The following SIGLEC1 variants were observed in gnomAD, a reference collection of about 807,000 sequenced individuals.
SIGLEC1 encodes sialoadhesin.
A neutral mutation model predicts 148.0 loss-of-function variants in SIGLEC1; 132 were observed. The ratio of observed to expected loss-of-function variants is 0.89; its 90% CI spans 0.77 to 1.03. SIGLEC1 has a LOEUF of 1.03. SIGLEC1 is among the 50% of genes least tolerant of loss of function. SIGLEC1 has a pLI of 0.00. For missense variants in SIGLEC1, 2,253 were observed against 2,271.4 expected (o/e 0.99, Z 0.16); for synonymous variants, 945 against 969.0 (o/e 0.98, Z 0.46).
intron 13 of SIGLEC1, 145 bp downstream of exon 13, chr20:3,694,076 G>A: frequency 2.2e-6 from 2 of 895,098 alleles, no homozygotes; most frequent in Non-Finnish European, 3.3e-6. Flanking sequence ...AGAAACTCAA[G>A]TCTGGAGTCC....
chr20:3,690,163 T>C lies in SIGLEC1; in HGVS notation c.4693A>G (p.Thr1565Ala), dbSNP rs1318945887. The part of the protein sequence containing the change: ...RVDSEPLASL[T>A]LHLGSRLVAS... ...ACCAGTCGACTGCCAAGGTGGAGAG[T>C]CAGGCTGGCGAGCGGCTCGCTGTCC... The change falls in exon 19 of 22, where the codon ACT becomes GCT. Residue 1565 changes from threonine (T) to alanine (A), a missense_variant. Coordinates refer to ENST00000344754, the MANE Select transcript of SIGLEC1 (RefSeq NM_023068.4). 2 of 1,592,920 alleles carry C rather than the reference T, an allele frequency of 1.3e-6. No individual in the cohort carries two copies. The highest frequency in any genetic ancestry group is 1.7e-6 in the Non-Finnish European group (2 of 1,170,780).
Position 3,706,678 on chromosome 20 carries a change from G to A in SIGLEC1, c.78C>T (p.Pro26=). ...AGQASWGVSS[P]QDVQGVKGSC... ...ACCCCTTCACACCCTGCACGTCCTG[G>A]GGACTGGAGACGCCCCATGAGGCCT... Residue 26 remains proline (P), a synonymous_variant, in exon 3 of 22, where the codon CCC becomes CCT. Coordinates refer to ENST00000344754, the MANE Select transcript of SIGLEC1 (RefSeq NM_023068.4). The A allele has an allele frequency of 1.3e-6, 2 of 1,553,346 alleles. No homozygotes were observed. Among genetic ancestry groups the A allele is most frequent in the South Asian group, 1.2e-5 (1 of 84,842 alleles).
At position 3,706,564 on chromosome 20, in the gene SIGLEC1, C is replaced by A. The variant is rs142103373; in HGVS notation, c.192G>T (p.Ser64=). 2 of 1,612,676 alleles carry A rather than the reference C, an allele frequency of 1.2e-6. No individual in the cohort carries two copies. The highest frequency in any genetic ancestry group is 2.2e-5 in the East Asian group (1 of 44,858). The change falls in exon 3 of 22, where the codon TCG becomes TCT. Residue 64 remains serine, a synonymous_variant. Coordinates refer to ENST00000344754, the MANE Select transcript of SIGLEC1 (RefSeq NM_023068.4). ...AGTGGCTCACCACCTGCCGCTGGCC[C>A]GAGTAGTCGTAGTACCAGATGGCCG... ...GITAIWYYDY[S]GQRQVVSHSA...
At chr20:3,696,467 T>C in intron 11 of SIGLEC1, 119 bp downstream of exon 11, 7 of 981,344 alleles carry the variant, frequency 7.1e-6, no homozygotes, top group Non-Finnish European at 1.0e-5. Flanking sequence ...GAAACTGCCC[T>C]TACCAGGACT....
At chr20:3,692,407 C>A (rs2088773725) in intron 16 of SIGLEC1, 114 bp downstream of exon 16, 22 of 1,310,810 alleles carry the variant, frequency 1.7e-5, no homozygotes, top group Non-Finnish European at 2.2e-5. Flanking sequence ...GTCCTCTTTC[C>A]CCAACTGCCC....
At chr20:3,695,083 G>C (rs1357107060) in intron 11 of SIGLEC1, among the ~76,000 whole-genome samples, 160 bp from the exon 12 acceptor site, 1 of 152,154 alleles carries the variant, frequency 6.6e-6, no homozygotes, top group Non-Finnish European at 1.5e-5. Context: ...CTATGCCTTG[G>C]CCCCTCCTGC....
Position 3,703,338 on chromosome 20 carries a change from T to C in SIGLEC1, c.1087A>G (p.Asn363Asp), listed in dbSNP as rs1220225314. ...PSDLRYSWYKNHVLLEDAHSH... is the reference protein window; with the variant it reads ...PSDLRYSWYKDHVLLEDAHSH... ...TGGGCATCCTCCAGCAGGACATGGT[T>C]CTTGTACCAGCTGTAGCGGAGATCA... Residue 363 changes from asparagine to aspartate, a missense_variant, in exon 6 of 22, where the codon AAC becomes GAC. Coordinates refer to ENST00000344754, the MANE Select transcript of SIGLEC1 (RefSeq NM_023068.4). The C allele has an allele frequency of 6.2e-7, 1 of 1,614,124 alleles. No homozygotes were observed.
intron 21 of SIGLEC1, 169 bp from the exon 22 acceptor site, chr20:3,688,788 C>A (rs768660734): frequency 2.3e-5 from 14 of 612,352 alleles, no homozygotes; most frequent in Non-Finnish European, 4.0e-5. Flanking sequence ...AGGGACACAC[C>A]ACAGGGGAGG....
intron 7 of SIGLEC1, among the ~76,000 whole-genome samples, chr20:3,700,704 T>C (rs796424892): frequency 3.5e-5 from 5 of 144,050 alleles, no homozygotes; most frequent in Admixed American, 6.9e-5. Context: ...TTTCTTTTTT[T>C]TTTTTTTTTT....
rs560431275 is a variant in SIGLEC1, at chr20:3,694,519, G to A, written c.2958C>T (p.His986=). The change falls in exon 13 of 22, where the codon CAC becomes CAT. Residue 986 remains histidine (H), a synonymous_variant. Coordinates refer to ENST00000344754, the MANE Select transcript of SIGLEC1 (RefSeq NM_023068.4). ...ISLHVSYAPR[H]VTLTTLMDTG... ...TGTCCATCAGGGTAGTGAGTGTGAC[G>A]TGGCGTGGGGCATCTACACAGGGTG... The A allele has an allele frequency of 3.1e-5, 49 of 1,561,396 alleles. No individual in the cohort carries two copies. In the South Asian group the frequency reaches 3.5e-4, roughly 11 times the overall value.
rs779400162 is a variant in SIGLEC1, at chr20:3,691,598, C to T, written c.4333G>A (p.Ala1445Thr). 2 of 1,611,268 alleles carry T rather than the reference C, an allele frequency of 1.2e-6. No individual in the cohort carries two copies. Among genetic ancestry groups the T allele is most frequent in the Admixed American group, 1.7e-5 (1 of 59,970 alleles). ...STIGRLQVEGARVVAEPGLDV... is the reference protein window; with the variant it reads ...STIGRLQVEGTRVVAEPGLDV... The stretch of plus-strand genomic sequence containing the variant: ...AGGCCAGGCTCTGCCACCACGCGTG[C>T]ACCTGCGGGCGGAGGATAGAGAGAT... Residue 1445 changes from alanine (A) to threonine (T), a missense_variant and splice_region_variant, in exon 18 of 22, where the codon GCA (alanine) becomes ACA (threonine). Transcript: ENST00000344754.
In SIGLEC1 at chr20:3,697,215, C is replaced by T; in HGVS notation, c.2250G>A (p.Leu750=). Residue 750 remains leucine, a synonymous_variant, in exon 10 of 22, where the codon CTG becomes CTA. Coordinates refer to ENST00000344754, the MANE Select transcript of SIGLEC1 (RefSeq NM_023068.4). ...CGGTCTCCAGGGGACCCTGGGCCCA[C>T]AGCACCCCATTTCGGAACCAGGAGA... The part of the protein sequence containing the change: ...ANFSWFRNGV[L]WAQGPLETVT... 1 of 1,613,932 alleles carries T rather than the reference C, an allele frequency of 6.2e-7. No homozygotes were observed. Among genetic ancestry groups the T allele is most frequent in the Non-Finnish European group, 8.5e-7 (1 of 1,180,030 alleles).
rs1322029806 is a variant in SIGLEC1, at chr20:3,692,920, G to GCTGTAGAAACCCTCATCC, written c.3702_3719dup (p.Arg1234_Tyr1239dup). On this transcript the variant is annotated inframe_insertion, in exon 15 of 22. Coordinates refer to ENST00000344754, the MANE Select transcript of SIGLEC1 (RefSeq NM_023068.4). Reference sequence around the variant, plus strand: ...GGCCCAGAGGGCTGCGGGCAGAGCAGCTGTAGAAACCCTCATCCCTGGGCT... The same window carrying GCTGTAGAAACCCTCATCC: ...GGCCCAGAGGGCTGCGGGCAGAGCAGCTGTAGAAACCCTCATCCCTGTAGAAACCCTCATCCCTGGGCT... The GCTGTAGAAACCCTCATCC allele has an allele frequency of 1.9e-6, 3 of 1,612,468 alleles. No individual in the cohort carries two copies. The highest frequency in any genetic ancestry group is 4.5e-5 in the East Asian group (2 of 44,876).
rs1259794766 is a variant in SIGLEC1 at position 3,687,536 on chromosome 20, T to G, written c.*1024A>C. The stretch of plus-strand genomic sequence containing the variant: ...CCAAATCTGGCACAAGGATGTCTGC[T>G]TAGGCAACTCCACTGCCTGGCATGC... On this transcript the variant is annotated 3_prime_UTR_variant, in exon 22 of 22. Transcript: ENST00000344754. The G allele has an allele frequency of 1.3e-5, 2 of 152,284 alleles. No homozygotes were observed. The highest frequency in any genetic ancestry group is 4.8e-5 in the African/African-American group (2 of 41,452). 9.4% of individuals were successfully genotyped at this position (152,284 alleles called of 1,614,324 possible). A position where few individuals can be genotyped will look rare whatever the true frequency, so the allele number is the denominator to read the frequency against.
rs1226470487 is a variant in SIGLEC1 at position 3,703,817 on chromosome 20, G to T, written c.973+8C>A. The T allele has an allele frequency of 1.2e-6, 2 of 1,613,596 alleles. No homozygotes were observed. Among genetic ancestry groups the T allele is most frequent in the Non-Finnish European group, 1.7e-6 (2 of 1,179,996 alleles). On this transcript the variant is annotated splice_region_variant and intron_variant, in intron 5 of 21. Transcript: ENST00000344754. ...TCTGGCCAATACGCAACCTTCCCAA[G>T]AACTCACTGAAGATGTGGAGGCTGA...
intron 10 of SIGLEC1, 33 bp from the exon 11 acceptor site, chr20:3,696,921 C>T: frequency 6.5e-7 from 1 of 1,540,682 alleles, no homozygotes; most frequent in Non-Finnish European, 8.7e-7. Context: ...GGCCACCCAG[C>T]CTAGCTCACC....
intron 11 of SIGLEC1, among the ~76,000 whole-genome samples, chr20:3,696,225 ATATTTG>A (rs1474056595): frequency 6.6e-6 from 1 of 152,186 alleles, no homozygotes; most frequent in Non-Finnish European, 1.5e-5. Flanking sequence ...CACATAATGT[ATATTTG>A]TATGTGTATA....
rs373726957 is a variant in SIGLEC1, at chr20:3,697,269, G to A, written c.2196C>T (p.Ser732=). The part of the protein sequence containing the change: ...GTEANLTCNV[S]REAAGSPANF... ...TAGCAGGGCTGCCAGCAGCTTCCCG[G>A]CTCACGTTGCAAGTCAAGTTGGCTT... Residue 732 remains serine, a synonymous_variant, in exon 10 of 22, where the codon AGC becomes AGT. Coordinates refer to ENST00000344754, the MANE Select transcript of SIGLEC1 (RefSeq NM_023068.4). 1 of 1,613,992 alleles carries A rather than the reference G, an allele frequency of 6.2e-7. No homozygotes were observed. The highest frequency in any genetic ancestry group is 1.1e-5 in the South Asian group (1 of 91,084).
chr20:3,690,734 G>A (rs1244214555), intron 18 of SIGLEC1, among the ~76,000 whole-genome samples: 2 of 152,186 alleles, frequency 1.3e-5, no homozygotes, highest in African/African-American at 4.8e-5. Context: ...CTTGGTGAAG[G>A]CTGGAGTGGG....
Sources: allele counts gnomAD v4.1 joint callset (sites outside exome capture counted in the v4.1 genomes callset), GRCh38; gene constraint gnomAD v4.1.1; transcripts MANE v1.5; gene names NCBI Gene and HGNC (gene_info 2026-07-23, HGNC 2026-07-21).